PIP4K2A: variants seen among roughly 807,000 people sequenced by gnomAD.
The protein encoded by PIP4K2A is phosphatidylinositol 5-phosphate 4-kinase type-2 alpha.
A neutral mutation model predicts 42.9 loss-of-function variants in PIP4K2A; 14 were observed. That is an observed-to-expected ratio of 0.33 (90% CI 0.22 to 0.51). The LOEUF (loss-of-function observed/expected upper bound fraction) is 0.51. PIP4K2A is among the 20% of genes least tolerant of loss of function. The pLI, the probability that PIP4K2A is intolerant of heterozygous loss-of-function variation, is 0.97. For missense variants in PIP4K2A, 434 were observed against 519.8 expected (o/e 0.83, Z 1.61); for synonymous variants, 192 against 192.2 (o/e 1.00, Z 0.01).
chr10:22,635,103 GGT>G (rs1464931610), intron 1 of PIP4K2A, among the ~76,000 whole-genome samples: 5 of 152,198 alleles, frequency 3.3e-5, no homozygotes, highest in African/African-American at 9.6e-5. Context: ...GGGAGGCAGA[GGT>G]GAAGCACGAC....
intron 1 of PIP4K2A, among the ~76,000 whole-genome samples, chr10:22,682,989 C>T (rs1417355108): frequency 1.3e-5 from 2 of 152,118 alleles, no homozygotes; most frequent in Non-Finnish European, 2.9e-5. Flanking sequence ...TACAACAAGA[C>T]TGATCTTTCA....
At chr10:22,685,531 TA>T (rs11389689) in intron 1 of PIP4K2A, among the ~76,000 whole-genome samples, 4 of 151,750 alleles carry the variant, frequency 2.6e-5, no homozygotes, top group African/African-American at 9.7e-5. Context: ...CCATTTTCTA[TA>T]AAAAACAAAC....
At chr10:22,631,483 G>A (rs894146735) in intron 1 of PIP4K2A, among the ~76,000 whole-genome samples, 12 of 152,224 alleles carry the variant, frequency 7.9e-5, no homozygotes, top group South Asian at 6.2e-4. Context: ...ACCAGAAACC[G>A]AACCCTGTCA....
At chr10:22,582,184 A>C (rs1837296134) in intron 4 of PIP4K2A, among the ~76,000 whole-genome samples, 1 of 152,168 alleles carries the variant, frequency 6.6e-6, no homozygotes, top group Non-Finnish European at 1.5e-5. Flanking sequence ...CTCCCTCAGA[A>C]CTTTTTCCTG....
chr10:22,591,881 T>A, intron 3 of PIP4K2A, 100 bp from the exon 4 acceptor site: 1 of 1,055,712 alleles, frequency 9.5e-7, no homozygotes. Flanking sequence ...TTGCAAGTTT[T>A]CAAAAACATT....
rs746151514 is a variant in PIP4K2A at position 22,609,678 on chromosome 10, T to G, written c.184A>C (p.Met62Leu). The G allele has an allele frequency of 1.2e-6, 2 of 1,610,416 alleles. No individual in the cohort carries two copies. The highest frequency in any genetic ancestry group is 2.2e-5 in the South Asian group (2 of 90,826). The change falls in exon 2 of 10, where the codon ATG becomes CTG. Residue 62 changes from methionine to leucine, a missense_variant. This residue lies in a region of PIP4K2A where 395 missense variants were observed against 444.5 expected (regional missense o/e 0.89). Transcript: ENST00000376573. ...GAATAGGCTTTGAAGTCATCTGGCATCAACATAACAGGGATTTGAACATGG... is the reference window on the plus strand; with the variant it reads ...GAATAGGCTTTGAAGTCATCTGGCAGCAACATAACAGGGATTTGAACATGG... ...LSHVQIPVML[M>L]PDDFKAYSKI...
intron 1 of PIP4K2A, among the ~76,000 whole-genome samples, chr10:22,646,971 A>C (rs75819759): frequency 6.6e-6 from 1 of 152,056 alleles, no homozygotes; most frequent in African/African-American, 2.4e-5. Context: ...AAAAAAACAA[A>C]CCAGGATGCA....
chr10:22,566,758 C>A (rs1836857207), intron 6 of PIP4K2A, among the ~76,000 whole-genome samples: 1 of 152,216 alleles, frequency 6.6e-6, no homozygotes, highest in Non-Finnish European at 1.5e-5. Context: ...CTGGACATCA[C>A]CTCCTCCAGG....
At chr10:22,614,505 C>G (rs186421938) in intron 1 of PIP4K2A, among the ~76,000 whole-genome samples, 415 of 152,274 alleles carry the variant, frequency 2.7e-3, no homozygotes, top group Non-Finnish European at 4.9e-3. Flanking sequence ...TTTATTTCCC[C>G]TCCGGATTCC....
intron 1 of PIP4K2A, among the ~76,000 whole-genome samples, chr10:22,664,320 A>T (rs959125722): frequency 6.7e-6 from 1 of 148,330 alleles, no homozygotes. Flanking sequence ...TTACATTCTC[A>T]TCAGCAATGT....
intron 3 of PIP4K2A, among the ~76,000 whole-genome samples, chr10:22,601,230 T>C (rs925438067): frequency 4.3e-4 from 61 of 142,850 alleles, no homozygotes; most frequent in African/African-American, 1.5e-3. Flanking sequence ...AAGCACCCAG[T>C]AGCAAGGATG....
chr10:22,601,130 C>CA (rs1188396077), intron 3 of PIP4K2A, among the ~76,000 whole-genome samples: 344 of 31,906 alleles, frequency 0.011, 49 homozygotes, highest in Non-Finnish European at 0.02. Context: ...GAGACTGTCT[C>CA]AAAAAAAAAA....
At chr10:22,569,027 A>C (rs1430450903) in intron 5 of PIP4K2A, 9 of 1,535,332 alleles carry the variant, frequency 5.9e-6, no homozygotes, top group Non-Finnish European at 5.2e-6. Context: ...GGCTTGGGAA[A>C]AGTGAAAGTG....
At chr10:22,703,190 G>A (rs1367407161) in intron 1 of PIP4K2A, among the ~76,000 whole-genome samples, 1 of 152,110 alleles carries the variant, frequency 6.6e-6, no homozygotes, top group Non-Finnish European at 1.5e-5. Flanking sequence ...AGGATTACTT[G>A]AGGCCAAGAG....
intron 1 of PIP4K2A, among the ~76,000 whole-genome samples, chr10:22,640,115 T>C (rs1838751159): frequency 6.6e-6 from 1 of 150,464 alleles, no homozygotes; most frequent in African/African-American, 2.4e-5. Flanking sequence ...AATTGAAAGC[T>C]ATGAGTTAAA....
intron 1 of PIP4K2A, among the ~76,000 whole-genome samples, chr10:22,684,125 C>T (rs1839716928): frequency 6.6e-6 from 1 of 152,100 alleles, no homozygotes; most frequent in African/African-American, 2.4e-5. Context: ...TTTAGTATGC[C>T]AACTTCCCCA....
In PIP4K2A at chr10:22,566,164, T is replaced by TA. The variant is rs1276372482; in HGVS notation, c.678+1686dup. 5.9e-5 allele frequency among the ~76,000 whole-genome samples: 9 copies of TA among 152,268 alleles called. No individual in the cohort carries two copies. In the East Asian group the frequency reaches 1.7e-3, roughly 29 times the overall value. ...CACTCCCTCCCCTTTTGAAAATCCCTAATAAAAACTTGCTGTTTTTTGTGG... is the reference window on the plus strand; with the variant it reads ...CACTCCCTCCCCTTTTGAAAATCCCTAAATAAAAACTTGCTGTTTTTTGTGG... On this transcript the variant is annotated intron_variant, in intron 6 of 9. Coordinates refer to ENST00000376573, the MANE Select transcript of PIP4K2A (RefSeq NM_005028.5).
intron 1 of PIP4K2A, among the ~76,000 whole-genome samples, chr10:22,689,797 T>G (rs114940698): frequency 1.1e-3 from 171 of 152,328 alleles, no homozygotes; most frequent in African/African-American, 3.8e-3. Flanking sequence ...CAACCAACCA[T>G]AGCATAATCA....
chr10:22,621,688 T>C (rs1750757), intron 1 of PIP4K2A, among the ~76,000 whole-genome samples: 64,779 of 152,072 alleles, frequency 0.43, 14,938 homozygotes, highest in African/African-American at 0.59. Context: ...GAGTGACAGC[T>C]GTGCATTCAG....
Sources: gnomAD v4.1 joint callset for allele counts (sites outside exome capture counted in the v4.1 genomes callset) on GRCh38, gnomAD v4.1.1 for gene constraint, gnomAD v4.1.1 regional missense constraint, MANE v1.5 for transcripts, NCBI Gene and HGNC (gene_info 2026-07-23, HGNC 2026-07-21) for gene names.